DPP7: variants seen among roughly 807,000 people sequenced by gnomAD.
DPP7 encodes the protein dipeptidyl peptidase 2.
DPP7 carries 74 observed loss-of-function variants against 58.8 expected under a neutral mutation model. The observed-to-expected ratio is 1.26, with a 90% confidence interval of 1.04 to 1.53. The LOEUF (loss-of-function observed/expected upper bound fraction) is 1.53. Ranked by LOEUF, DPP7 falls within the 40% of genes most tolerant of loss-of-function variation. The pLI is 0.00. For missense variants in DPP7, 807 were observed against 692.3 expected, an observed-to-expected ratio of 1.17 and a Z score of -1.86; for synonymous variants, 350 against 303.6, an observed-to-expected ratio of 1.15 and a Z score of -1.59.
chr9:137,115,875 C>G (rs79168919), upstream of DPP7, among the ~76,000 whole-genome samples: 1 of 152,116 alleles, frequency 6.6e-6, no homozygotes, highest in African/African-American at 2.4e-5. Context: ...CCGGGGCCCC[C>G]GCAGGACGGG....
At chr9:137,111,020 G>T in intron 11 of DPP7, 70 bp from the exon 12 acceptor site, 2 of 1,479,782 alleles carry the variant, frequency 1.4e-6, no homozygotes, top group South Asian at 1.2e-5. Context: ...GGGCCCATTG[G>T]AGAGGAGACG....
At chr9:137,113,603 C>A in intron 4 of DPP7, 107 bp from the exon 5 acceptor site, 1 of 1,446,496 alleles carries the variant, frequency 6.9e-7, no homozygotes, top group East Asian at 2.5e-5. Flanking sequence ...TTCTGAGACC[C>A]ACAAATTCCA....
rs779443417 is a variant in DPP7 at position 137,114,067 on chromosome 9, GC to G, written c.322-40del. 1.1e-4 allele frequency: 140 copies of G among 1,246,068 alleles called. No homozygotes were observed. In the African/African-American group the frequency reaches 2.0e-3, roughly 18 times the overall value. The allele number at this position is 1,246,068 out of a possible 1,614,324, so 77.2% of individuals were successfully genotyped here. A position where few individuals can be genotyped will look rare whatever the true frequency, so the allele number is the denominator to read the frequency against. ...CCATTGAGCCCGGCCCCGCGACCCC[GC>G]CCGGCACCCGCGTGCCCCGCGACCC... On this transcript the variant is annotated intron_variant, in intron 3 of 12. Transcript: ENST00000371579.
chr9:137,115,356 G>C (rs1341753914), upstream of DPP7, among the ~76,000 whole-genome samples: 2 of 152,200 alleles, frequency 1.3e-5, no homozygotes, highest in Admixed American at 1.3e-4. Context: ...GGGGGGACCA[G>C]AGGCCTCTGC....
upstream of DPP7, among the ~76,000 whole-genome samples, chr9:137,118,050 C>G (rs145842726): frequency 1.5e-4 from 23 of 152,076 alleles, no homozygotes; most frequent in East Asian, 3.9e-3. Context: ...TGAAGTGACA[C>G]GATCTCGGCT....
chr9:137,114,785 C>T (rs1219112845), upstream of DPP7: 2 of 1,142,444 alleles, frequency 1.8e-6, no homozygotes, highest in Admixed American at 4.3e-5. Context: ...CCCTCCAGGC[C>T]CCACGTGTTT....
chr9:137,112,834 C>T (rs764558195), intron 7 of DPP7, 29 bp from the exon 8 acceptor site: 28 of 1,605,484 alleles, frequency 1.7e-5, no homozygotes, highest in Non-Finnish European at 2.0e-5. Flanking sequence ...GGCGACTCAG[C>T]GGGGTCCCCT....
At position 137,110,943 on chromosome 9, in the gene DPP7, C is replaced by T. The variant is rs772927669; in HGVS notation, c.1280G>A (p.Arg427Lys). Residue 427 changes from arginine to lysine, a missense_variant, in exon 12 of 13, where the codon AGG (arginine) becomes AAG (lysine). This residue lies in a region of DPP7 where 624 missense variants were observed against 531.2 expected (regional missense o/e 1.17). Coordinates refer to ENST00000371579, the MANE Select transcript of DPP7 (RefSeq NM_013379.3). ...GGCGATGACTGAGGCACTCAGGTTC[C>T]TCCGAATCTGTGGTCAGTGGAAAGA... Reference protein sequence around the residue: ...LDPWAGGGIRRNLSASVIAVT... With the variant: ...LDPWAGGGIRKNLSASVIAVT... The T allele has an allele frequency of 3.7e-6, 6 of 1,613,076 alleles. No individual in the cohort carries two copies. In the South Asian group the frequency reaches 5.5e-5, roughly 15 times the overall value.
At chr9:137,117,589 G>C (rs1433176873), upstream of DPP7, among the ~76,000 whole-genome samples, 8 of 152,278 alleles carry the variant, frequency 5.3e-5, no homozygotes, top group South Asian at 1.7e-3. Context: ...ATTCCTGCTG[G>C]GACACCCAGT....
At chr9:137,114,734 G>A, upstream of DPP7, 2 of 1,271,460 alleles carry the variant, frequency 1.6e-6, no homozygotes, top group South Asian at 5.8e-5. Context: ...GCGGGCGCCC[G>A]TCACGTGGGC....
At chr9:137,114,753 G>A (rs1267137752), upstream of DPP7, 21 of 1,249,566 alleles carry the variant, frequency 1.7e-5, no homozygotes, top group Non-Finnish European at 2.0e-5. Context: ...GCGGGGTCAC[G>A]GGGCCGCCAG....
Position 137,113,408 on chromosome 9 carries a change from C to T in DPP7, c.574G>A (p.Val192Met), listed in dbSNP as rs1359773595. Residue 192 changes from valine to methionine, a missense_variant, in exon 5 of 13, where the codon GTG becomes ATG. Val to Met is a conservative substitution (Grantham distance 21). This residue lies in a region of DPP7 where 624 missense variants were observed against 531.2 expected (regional missense o/e 1.17). Coordinates refer to ENST00000371579, the MANE Select transcript of DPP7 (RefSeq NM_013379.3). ...ALAASAPVLA[V>M]AGLGDSNQFF... Reference sequence around the variant, plus strand: ...TGGTTGGAGTCGCCGAGGCCTGCCACAGCTAGAACGGGCGCGCTGGCCGCC... The same window carrying T: ...TGGTTGGAGTCGCCGAGGCCTGCCATAGCTAGAACGGGCGCGCTGGCCGCC... The T allele has an allele frequency of 1.2e-6, 2 of 1,609,556 alleles. No homozygotes were observed. The highest frequency in any genetic ancestry group is 1.1e-5 in the South Asian group (1 of 90,988).
chr9:137,116,942 G>A (rs556293361), upstream of DPP7, among the ~76,000 whole-genome samples: 67 of 152,334 alleles, frequency 4.4e-4, no homozygotes, highest in Middle Eastern at 3.4e-3. Flanking sequence ...TCCGGGCACA[G>A]CACCTTCCCT....
Position 137,112,773 on chromosome 9 carries a change from C to T in DPP7, c.903G>A (p.Gln301=), listed in dbSNP as rs751050637. The T allele has an allele frequency of 6.2e-7, 1 of 1,609,084 alleles. No homozygotes were observed. ...VGCDRLLSEA[Q]RITGLRALAG... ...CCAGTGCTCGCAGCCCCGTGATCCT[C>T]TGGGCCTCACTCAGCAGCCGATCAC... Residue 301 remains glutamine (Q), a synonymous_variant, in exon 8 of 13, where the codon CAG becomes CAA. Coordinates refer to ENST00000371579, the MANE Select transcript of DPP7 (RefSeq NM_013379.3).
Position 137,114,395 on chromosome 9 carries a change from C to A in DPP7, c.182-13G>T. The A allele has an allele frequency of 6.3e-7, 1 of 1,591,498 alleles. No individual in the cohort carries two copies. Among genetic ancestry groups the A allele is most frequent in the Non-Finnish European group, 8.5e-7 (1 of 1,170,180 alleles). ...ACCCAGAACCTGTCTGTGGGGAGGGCGGATGAGGCGAGGGTGCCGGGGGGC... is the reference window on the plus strand; with the variant it reads ...ACCCAGAACCTGTCTGTGGGGAGGGAGGATGAGGCGAGGGTGCCGGGGGGC... On this transcript the variant is annotated splice_polypyrimidine_tract_variant and intron_variant, in intron 2 of 12. Coordinates refer to ENST00000371579, the MANE Select transcript of DPP7 (RefSeq NM_013379.3).
chr9:137,110,857 C>T (rs1159800503), intron 12 of DPP7, 23 bp downstream of exon 12: 18 of 1,608,372 alleles, frequency 1.1e-5, no homozygotes, highest in South Asian at 2.2e-5. Flanking sequence ...CCGCGACCAC[C>T]GCCAGGCCAC....
At chr9:137,116,008 C>T (rs1317222061), upstream of DPP7, among the ~76,000 whole-genome samples, 1 of 152,226 alleles carries the variant, frequency 6.6e-6, no homozygotes, top group East Asian at 1.9e-4. Context: ...CAGCAACCCT[C>T]ACCCAGGACC....
At chr9:137,116,310 C>T (rs368641207), upstream of DPP7, among the ~76,000 whole-genome samples, 2 of 152,232 alleles carry the variant, frequency 1.3e-5, no homozygotes, top group African/African-American at 4.8e-5. Flanking sequence ...ATCCCTGTGC[C>T]CACAGAAACA....
chr9:137,112,860 C>T (rs1831445192), intron 7 of DPP7, 55 bp from the exon 8 acceptor site: 1 of 1,601,276 alleles, frequency 6.2e-7, no homozygotes, highest in Non-Finnish European at 8.5e-7. Context: ...AGCTCCGCCT[C>T]CCTGGCTCCC....
Sources: allele counts gnomAD v4.1 joint callset (sites outside exome capture counted in the v4.1 genomes callset), GRCh38; gene constraint gnomAD v4.1.1; regional missense constraint gnomAD v4.1.1; transcripts MANE v1.5; gene names NCBI Gene and HGNC (gene_info 2026-07-23, HGNC 2026-07-21).